CFAP74: variants seen among roughly 807,000 people sequenced by gnomAD.
CFAP74 encodes cilia and flagella associated protein 74, also known as cilia- and flagella-associated protein 74.
Under a neutral mutation model 188.9 loss-of-function variants are expected in CFAP74, and 124 were observed. The ratio of observed to expected loss-of-function variants is 0.66; its 90% CI spans 0.57 to 0.76. The LOEUF is 0.76. CFAP74 is among the 30% of genes least tolerant of loss of function. The probability of loss-of-function intolerance (pLI) is 0.00; values close to 1 mark genes in which losing one functional copy is unlikely to be tolerated. For missense variants in CFAP74, 2,198 were observed against 2,165.2 expected (o/e 1.02, Z -0.30); for synonymous variants, 956 against 916.7 (o/e 1.04, Z -0.77).
At chr1:1,950,500 C>T (rs1308540149) in intron 18 of CFAP74, among the ~76,000 whole-genome samples, 1 of 152,082 alleles carries the variant, frequency 6.6e-6, no homozygotes, top group East Asian at 1.9e-4. Context: ...CCGCCATGCC[C>T]AGCTAAGTTT....
chr1:1,943,540 C>T (rs1200240499), intron 21 of CFAP74, among the ~76,000 whole-genome samples: 1 of 152,248 alleles, frequency 6.6e-6, no homozygotes, highest in Admixed American at 6.5e-5. Flanking sequence ...ACCCCGCAGG[C>T]CCAGCCTCGC....
chr1:1,927,559 C>A, intron 28 of CFAP74, 48 bp downstream of exon 28: 1 of 1,524,646 alleles, frequency 6.6e-7, no homozygotes, highest in Non-Finnish European at 8.8e-7. Context: ...TGGGTCCCAC[C>A]AGAGGGGCCT....
At chr1:1,978,124 AG>A (rs1207113855) in intron 6 of CFAP74, among the ~76,000 whole-genome samples, 1 of 152,246 alleles carries the variant, frequency 6.6e-6, no homozygotes, top group East Asian at 1.9e-4. Context: ...TTGGGATTAC[AG>A]GCGTGAGCCA....
chr1:1,985,770 C>G (rs1376353078), intron 5 of CFAP74, among the ~76,000 whole-genome samples: 1 of 152,230 alleles, frequency 6.6e-6, no homozygotes, highest in Non-Finnish European at 1.5e-5. Flanking sequence ...GGGGCAGCAG[C>G]CATCCAGGCC....
At chr1:1,938,345 C>T (rs1043589303) in intron 25 of CFAP74, among the ~76,000 whole-genome samples, 44 of 151,706 alleles carry the variant, frequency 2.9e-4, no homozygotes, top group Non-Finnish European at 5.0e-4. Context: ...CACACACACA[C>T]GCTCACTCAC....
chr1:1,928,408 A>T (rs1484382476), intron 27 of CFAP74, among the ~76,000 whole-genome samples: 2 of 152,106 alleles, frequency 1.3e-5, no homozygotes, highest in Non-Finnish European at 2.9e-5. Context: ...CCTCGAGGCC[A>T]CCTCCAGGGC....
intron 6 of CFAP74, among the ~76,000 whole-genome samples, chr1:1,974,741 C>G (rs1010885974): frequency 6.6e-6 from 1 of 152,234 alleles, no homozygotes; most frequent in Non-Finnish European, 1.5e-5. Flanking sequence ...GTGAGTGTGG[C>G]GTCTGTGGTG....
chr1:1,981,163 C>T (rs1327804918), intron 6 of CFAP74, among the ~76,000 whole-genome samples: 1 of 152,252 alleles, frequency 6.6e-6, no homozygotes, highest in Non-Finnish European at 1.5e-5. Context: ...CCGCTGGAAG[C>T]CCCCGTTCCA....
intron 25 of CFAP74, among the ~76,000 whole-genome samples, chr1:1,932,178 C>T (rs1393336532): frequency 2.0e-5 from 3 of 151,328 alleles, no homozygotes; most frequent in Non-Finnish European, 4.4e-5. Context: ...GGGCAGATCA[C>T]GAGGTCAGGA....
Position 1,926,026 on chromosome 1 carries a change from C to A in CFAP74, c.3949-88G>T. On this transcript the variant is annotated intron_variant, in intron 32 of 38. Coordinates refer to ENST00000682832, the MANE Select transcript of CFAP74 (RefSeq NM_001304360.2). Reference sequence around the variant, plus strand: ...CCTCAGGGGCAGTGGGTTCTCAACGCTGGAGTTGAGACAGCTCTGGGGGGG... The same window carrying A: ...CCTCAGGGGCAGTGGGTTCTCAACGATGGAGTTGAGACAGCTCTGGGGGGG... 2.1e-6 allele frequency: 3 copies of A among 1,455,172 alleles called. No homozygotes were observed. In the South Asian group the frequency reaches 4.2e-5, roughly 20 times the overall value. The allele number at this position is 1,455,172 out of a possible 1,614,324, so 90.1% of individuals were successfully genotyped here.
chr1:1,977,374 A>G (rs1656516044), intron 6 of CFAP74, among the ~76,000 whole-genome samples: 1 of 152,228 alleles, frequency 6.6e-6, no homozygotes, highest in Non-Finnish European at 1.5e-5. Context: ...CCCTCTGCAT[A>G]TCCGTCCACA....
At chr1:1,961,480 G>T (rs1364263641) in intron 14 of CFAP74, among the ~76,000 whole-genome samples, 1 of 152,276 alleles carries the variant, frequency 6.6e-6, no homozygotes, top group Non-Finnish European at 1.5e-5. Flanking sequence ...GAGAGTGGTG[G>T]CCTCAACCTG....
chr1:1,944,507 T>A (rs1570877705), intron 20 of CFAP74, 55 bp from the exon 21 acceptor site: 1 of 1,521,842 alleles, frequency 6.6e-7, no homozygotes, highest in Admixed American at 2.0e-5. Context: ...CAGCAGGCAT[T>A]GTTGGTGAGC....
chr1:1,945,178 G>A (rs534862048), intron 20 of CFAP74, among the ~76,000 whole-genome samples: 4 of 152,156 alleles, frequency 2.6e-5, no homozygotes, highest in East Asian at 2.0e-4. Context: ...ATGGTGGTGT[G>A]TGCCTGTGGT....
At position 1,955,091 on chromosome 1, in the gene CFAP74, G is replaced by A. The variant is rs536377936; in HGVS notation, c.2176+600C>T. ...TCACACCGGAAGTGCGGCTCACACA[G>A]GCTGTGGAGAACCGGCCCAGCTCCG... is the stretch of plus-strand genomic sequence containing the variant. On this transcript the variant is annotated intron_variant, in intron 18 of 38. Coordinates refer to ENST00000682832, the MANE Select transcript of CFAP74 (RefSeq NM_001304360.2). 1.5e-5 allele frequency: 19 copies of A among 1,283,434 alleles called. No individual in the cohort carries two copies. In the East Asian group the frequency reaches 1.0e-3, roughly 68 times the overall value. The allele number at this position is 1,283,434 out of a possible 1,614,324, so 79.5% of individuals were successfully genotyped here. A position where few individuals can be genotyped will look rare whatever the true frequency, so the allele number is the denominator to read the frequency against.
intron 5 of CFAP74, among the ~76,000 whole-genome samples, chr1:1,985,998 T>C (rs1397010526): frequency 6.6e-6 from 1 of 152,178 alleles, no homozygotes; most frequent in Non-Finnish European, 1.5e-5. Context: ...GTCCCGGCCA[T>C]GTGGACACGG....
In CFAP74 at chr1:1,928,882, T is replaced by G. The variant is rs1204628940; in HGVS notation, c.3289A>C (p.Arg1097=). Residue 1097 remains arginine, a splice_region_variant and synonymous_variant, in exon 27 of 39, where the codon AGG becomes CGG. Transcript: ENST00000682832. The part of the protein sequence containing the change: ...PSVGTVWPGK[R]CLVQVAFRPV... ...CGGAAGGCCACCTGGACCAGGCACCTCTGAGGAGAGACCAGCGTGGGCACA... is the reference window on the plus strand; with the variant it reads ...CGGAAGGCCACCTGGACCAGGCACCGCTGAGGAGAGACCAGCGTGGGCACA... 5.2e-6 allele frequency: 8 copies of G among 1,534,570 alleles called. No homozygotes were observed. Among genetic ancestry groups the G allele is most frequent in the East Asian group, 2.4e-5 (1 of 40,890 alleles).
intron 1 of CFAP74, among the ~76,000 whole-genome samples, chr1:1,996,936 G>GA (rs1171342444): frequency 6.2e-4 from 73 of 117,016 alleles, no homozygotes; most frequent in African/African-American, 1.8e-3. Flanking sequence ...AAAAAAAAAA[G>GA]AAAAAAAAAA....
At chr1:1,930,022 C>A in intron 26 of CFAP74, 38 bp downstream of exon 26, 1 of 1,478,860 alleles carries the variant, frequency 6.8e-7, no homozygotes, top group South Asian at 1.3e-5. Flanking sequence ...TGGCGTGGAG[C>A]TCCTGCTTCC....
Sources: allele counts gnomAD v4.1 joint callset (sites outside exome capture counted in the v4.1 genomes callset), GRCh38; gene constraint gnomAD v4.1.1; transcripts MANE v1.5; gene names NCBI Gene and HGNC (gene_info 2026-07-23, HGNC 2026-07-21).